STAU2: variants seen among roughly 807,000 people sequenced by gnomAD.
The protein encoded by STAU2 is staufen double-stranded RNA binding protein 2, also known as double-stranded RNA-binding protein Staufen homolog 2.
In STAU2, 20 loss-of-function variants were observed where a neutral mutation model predicts 65.9. The observed-to-expected ratio is 0.30, with a 90% CI of 0.21 to 0.44. STAU2 has a LOEUF of 0.44. STAU2 is among the 20% of genes least tolerant of loss of function. The probability of loss-of-function intolerance (pLI) is 1.00; values close to 1 mark genes in which losing one functional copy is unlikely to be tolerated. For synonymous variants in STAU2, 232 were observed against 233.9 expected, an observed-to-expected ratio of 0.99 and a Z score of 0.07; for missense variants, 558 against 683.9, an observed-to-expected ratio of 0.82 and a Z score of 2.05.
chr8:73,612,625 T>C (rs1361525934), intron 9 of STAU2, among the ~76,000 whole-genome samples: 3 of 152,238 alleles, frequency 2.0e-5, no homozygotes, highest in Admixed American at 1.3e-4. Context: ...AGTGAAGTCA[T>C]GTCAGTATTC....
chr8:73,533,993 A>G (rs1472817929), intron 13 of STAU2, among the ~76,000 whole-genome samples: 3 of 152,192 alleles, frequency 2.0e-5, no homozygotes, highest in African/African-American at 4.8e-5. Context: ...GCCACCCCCT[A>G]TGGAACAAAA....
At chr8:73,668,558 TAAGA>T (rs953308106) in intron 6 of STAU2, among the ~76,000 whole-genome samples, 5 of 152,232 alleles carry the variant, frequency 3.3e-5, no homozygotes, top group African/African-American at 1.2e-4. Flanking sequence ...ATAATTTTTA[TAAGA>T]AAGATGGGAG....
intron 10 of STAU2, among the ~76,000 whole-genome samples, chr8:73,595,924 C>G (rs1418173830): frequency 6.6e-6 from 1 of 151,830 alleles, no homozygotes; most frequent in Non-Finnish European, 1.5e-5. Context: ...CCAGCCTGGC[C>G]AATATGGTGA....
chr8:73,491,989 A>G (rs2128915679), intron 13 of STAU2, among the ~76,000 whole-genome samples: 1 of 152,028 alleles, frequency 6.6e-6, no homozygotes, highest in East Asian at 1.9e-4. Context: ...GCGTGTTTTG[A>G]TTATTTTCCT....
chr8:73,619,516 A>G (rs1260429483), intron 6 of STAU2, among the ~76,000 whole-genome samples: 3 of 152,196 alleles, frequency 2.0e-5, no homozygotes, highest in Admixed American at 2.0e-4. Flanking sequence ...CCTGAGATAA[A>G]CTGGATAGAG....
chr8:73,672,635 A>G (rs936748130), intron 6 of STAU2, among the ~76,000 whole-genome samples: 2 of 152,214 alleles, frequency 1.3e-5, no homozygotes, highest in Admixed American at 1.3e-4. Flanking sequence ...AATGTAAAGT[A>G]CATGAAAATA....
chr8:73,681,734 A>G (rs1234849767), intron 5 of STAU2, among the ~76,000 whole-genome samples: 2 of 152,160 alleles, frequency 1.3e-5, no homozygotes, highest in Non-Finnish European at 2.9e-5. Context: ...CAAGGGACTC[A>G]CCTAACACAT....
At chr8:73,525,879 G>C (rs371129063) in intron 13 of STAU2, among the ~76,000 whole-genome samples, 6 of 152,318 alleles carry the variant, frequency 3.9e-5, no homozygotes, top group African/African-American at 1.4e-4. Context: ...AGCTCCATGA[G>C]AGCAAGAACC....
At chr8:73,565,530 A>G (rs1390143117) in intron 12 of STAU2, among the ~76,000 whole-genome samples, 1 of 152,204 alleles carries the variant, frequency 6.6e-6, no homozygotes, top group East Asian at 1.9e-4. Context: ...TAAACAATGC[A>G]GTATAAAAGT....
intron 5 of STAU2, among the ~76,000 whole-genome samples, chr8:73,687,420 A>ATATAAATATATATTTATAAT (rs1818995944): frequency 7.7e-6 from 1 of 129,742 alleles, no homozygotes; most frequent in Non-Finnish European, 1.6e-5. Context: ...AATTAATTTA[A>ATATAAATATATATTTATAAT]ATATAAATAT....
chr8:73,658,301 G>A (rs946733380), intron 6 of STAU2, among the ~76,000 whole-genome samples: 10 of 152,218 alleles, frequency 6.6e-5, no homozygotes, highest in Admixed American at 2.6e-4. Flanking sequence ...CCAGGTAGGG[G>A]AAGTTACAGT....
intron 13 of STAU2, among the ~76,000 whole-genome samples, chr8:73,511,991 T>C (rs763555350): frequency 4.6e-5 from 7 of 152,214 alleles, no homozygotes; most frequent in Non-Finnish European, 8.8e-5. Flanking sequence ...ATTTTCCCAG[T>C]ACCCTCTGTT....
At chr8:73,466,584 C>CA (rs1819668305) in intron 13 of STAU2, among the ~76,000 whole-genome samples, 1 of 152,188 alleles carries the variant, frequency 6.6e-6, no homozygotes, top group African/African-American at 2.4e-5. Context: ...ATCTCACCAT[C>CA]CTTCCTTAAA....
At chr8:73,688,624 A>C in intron 5 of STAU2, 30 bp downstream of exon 5, 1 of 1,613,124 alleles carries the variant, frequency 6.2e-7, no homozygotes, top group Non-Finnish European at 8.5e-7. Flanking sequence ...CACATAGCAG[A>C]CAACATAACA....
chr8:73,653,810 GATACAGT>G (rs1357602694), intron 6 of STAU2: 1 of 390,880 alleles, frequency 2.6e-6, no homozygotes, highest in Middle Eastern at 3.5e-4. Context: ...CTTCAAGAGA[GATACAGT>G]ATGCAGCATT....
chr8:73,741,805 G>A (rs905043092), intron 1 of STAU2, among the ~76,000 whole-genome samples: 4 of 152,116 alleles, frequency 2.6e-5, no homozygotes, highest in African/African-American at 4.8e-5. Context: ...GAGCCACCAC[G>A]CCCGGCCCGA....
intron 13 of STAU2, among the ~76,000 whole-genome samples, chr8:73,496,734 A>C (rs1821442111): frequency 1.3e-5 from 2 of 151,736 alleles, no homozygotes; most frequent in African/African-American, 4.8e-5. Flanking sequence ...TTAATCAATA[A>C]AAACTTATTA....
intron 13 of STAU2, among the ~76,000 whole-genome samples, chr8:73,490,952 T>C (rs1160047466): frequency 6.6e-6 from 1 of 152,040 alleles, no homozygotes; most frequent in East Asian, 1.9e-4. Context: ...ATTCAAAGTA[T>C]GAATGTTTAA....
chr8:73,548,138 A>T (rs1807067862), intron 13 of STAU2, among the ~76,000 whole-genome samples: 1 of 151,880 alleles, frequency 6.6e-6, no homozygotes, highest in Admixed American at 6.6e-5. Context: ...AGACAACTAT[A>T]TTCCTAAATG....
Sources: gnomAD v4.1 joint callset for allele counts (sites outside exome capture counted in the v4.1 genomes callset) on GRCh38, gnomAD v4.1.1 for gene constraint, MANE v1.5 for transcripts, NCBI Gene and HGNC (gene_info 2026-07-23, HGNC 2026-07-21) for gene names.